Variants in ITGBL1 observed in about 807,000 individuals in gnomAD.
ITGBL1 encodes integrin subunit beta like 1.
A neutral mutation model predicts 68.5 loss-of-function variants in ITGBL1; 51 were observed. The ratio of observed to expected loss-of-function variants is 0.74; its 90% CI spans 0.59 to 0.94. ITGBL1 has a LOEUF of 0.94. ITGBL1 is among the 40% of genes least tolerant of loss of function. The pLI is 0.00. For missense variants in ITGBL1, 649 were observed against 647.4 expected (o/e 1.00, Z -0.03); for synonymous variants, 209 against 227.3 (o/e 0.92, Z 0.72).
intron 8 of ITGBL1, among the ~76,000 whole-genome samples, chr13:101,703,881 G>T (rs1298951494): frequency 1.3e-5 from 2 of 152,132 alleles, no homozygotes; most frequent in Non-Finnish European, 2.9e-5. Context: ...TTTGGAAAAG[G>T]ATTTGGCTGA....
At chr13:101,530,167 T>C (rs1285245112) in intron 2 of ITGBL1, among the ~76,000 whole-genome samples, 3 of 152,160 alleles carry the variant, frequency 2.0e-5, no homozygotes, top group East Asian at 1.9e-4. Context: ...AGTCTTACTT[T>C]AGTACGAAGA....
intron 7 of ITGBL1, among the ~76,000 whole-genome samples, chr13:101,633,640 C>T (rs1337738170): frequency 1.3e-5 from 2 of 152,128 alleles, no homozygotes; most frequent in Non-Finnish European, 2.9e-5. Context: ...AAGAATGGCA[C>T]GTCACAGATA....
At chr13:101,607,121 C>T (rs370437054) in intron 7 of ITGBL1, among the ~76,000 whole-genome samples, 2 of 151,938 alleles carry the variant, frequency 1.3e-5, no homozygotes, top group African/African-American at 2.4e-5. Flanking sequence ...CTGTCAACAG[C>T]ATTTATGTGC....
chr13:101,587,507 A>G (rs991635520), intron 6 of ITGBL1, among the ~76,000 whole-genome samples: 1 of 152,118 alleles, frequency 6.6e-6, no homozygotes, highest in Admixed American at 6.5e-5. Context: ...GTTACACCCA[A>G]TTTACTTTCT....
chr13:101,600,471 T>A (rs988703839), intron 7 of ITGBL1, among the ~76,000 whole-genome samples: 6 of 152,180 alleles, frequency 3.9e-5, no homozygotes, highest in Non-Finnish European at 8.8e-5. Context: ...CTTCCAACAC[T>A]ATGTTGAATA....
At chr13:101,593,250 A>T (rs9585733) in intron 6 of ITGBL1, among the ~76,000 whole-genome samples, 8,600 of 51,378 alleles carry the variant, frequency 0.17, 800 homozygotes, top group African/African-American at 0.46. Flanking sequence ...GAATTATAAT[A>T]AAAAAAGACA....
chr13:101,585,725 C>G (rs116232984), intron 6 of ITGBL1, among the ~76,000 whole-genome samples: 1 of 152,028 alleles, frequency 6.6e-6, no homozygotes, highest in African/African-American at 2.4e-5. Flanking sequence ...CCACCTCCCC[C>G]GGCGGCAATG....
intron 2 of ITGBL1, among the ~76,000 whole-genome samples, chr13:101,539,008 G>A (rs906406237): frequency 5.4e-5 from 8 of 149,488 alleles, no homozygotes; most frequent in African/African-American, 1.5e-4. Flanking sequence ...TCAGTGGTAC[G>A]GTTGCGGAGT....
chr13:101,491,852 C>T (rs948502292), intron 2 of ITGBL1, among the ~76,000 whole-genome samples: 2 of 152,160 alleles, frequency 1.3e-5, no homozygotes, highest in Non-Finnish European at 2.9e-5. Context: ...GTTCAACTCC[C>T]ACTTATGAGT....
intron 2 of ITGBL1, among the ~76,000 whole-genome samples, chr13:101,517,776 G>A (rs1387651168): frequency 6.6e-6 from 1 of 152,166 alleles, no homozygotes; most frequent in Non-Finnish European, 1.5e-5. Flanking sequence ...CCATGAGAAT[G>A]CAAGTGAATT....
At chr13:101,585,295 G>A (rs2050533215) in intron 6 of ITGBL1, among the ~76,000 whole-genome samples, 1 of 152,166 alleles carries the variant, frequency 6.6e-6, no homozygotes, top group African/African-American at 2.4e-5. Flanking sequence ...AGGGCAAAGG[G>A]TAAGCCAAAG....
At chr13:101,632,728 T>TA (rs1334771538) in intron 7 of ITGBL1, among the ~76,000 whole-genome samples, 1 of 152,238 alleles carries the variant, frequency 6.6e-6, no homozygotes, top group African/African-American at 2.4e-5. Context: ...GGGTGAAAGA[T>TA]ACACATTTTC....
chr13:101,539,203 T>TC (rs1362202787), intron 2 of ITGBL1, among the ~76,000 whole-genome samples: 1 of 71,918 alleles, frequency 1.4e-5, no homozygotes, highest in Admixed American at 1.6e-4. Context: ...CCCTCCCCCC[T>TC]CCCCCCACTC....
chr13:101,588,214 C>A (rs2050590832), intron 6 of ITGBL1, among the ~76,000 whole-genome samples: 1 of 151,932 alleles, frequency 6.6e-6, no homozygotes, highest in Non-Finnish European at 1.5e-5. Context: ...TGCTGCAAAT[C>A]TTCCTTTTCG....
At chr13:101,512,697 G>A (rs2049134634) in intron 2 of ITGBL1, among the ~76,000 whole-genome samples, 1 of 152,036 alleles carries the variant, frequency 6.6e-6, no homozygotes, top group Non-Finnish European at 1.5e-5. Context: ...TTCTTTGACT[G>A]GAAGATGTCT....
rs143113329 is a variant in ITGBL1, at chr13:101,631,551, A to C, written c.1015+33252A>C. Among the ~76,000 whole-genome samples, 245 of 152,288 alleles carry C rather than the reference A, an allele frequency of 1.6e-3. 1 individual carries two copies. Among genetic ancestry groups the C allele is most frequent in the African/African-American group, 5.7e-3 (237 of 41,572 alleles). On this transcript the variant is annotated intron_variant, in intron 7 of 10. Coordinates refer to ENST00000376180, the MANE Select transcript of ITGBL1 (RefSeq NM_004791.3). ...CACATTTACACTGTCCTACTACCATAGATGATGTTGAAATTTTGCAAGGGA... is the reference window on the plus strand; with the variant it reads ...CACATTTACACTGTCCTACTACCATCGATGATGTTGAAATTTTGCAAGGGA...
chr13:101,457,187 G>T (rs2048256141), intron 2 of ITGBL1, among the ~76,000 whole-genome samples: 1 of 152,100 alleles, frequency 6.6e-6, no homozygotes, highest in Non-Finnish European at 1.5e-5. Flanking sequence ...ATAACAAGTG[G>T]GCTAGTATGG....
intron 7 of ITGBL1, among the ~76,000 whole-genome samples, chr13:101,652,602 AT>A (rs1340259834): frequency 6.6e-6 from 1 of 152,120 alleles, no homozygotes; most frequent in Non-Finnish European, 1.5e-5. Context: ...GAGAATCCAA[AT>A]TTTTTGTCTG....
Position 101,558,083 on chromosome 13 carries a change from C to CAAA in ITGBL1, c.317-9585_317-9583dup, listed in dbSNP as rs568103738. On this transcript the variant is annotated intron_variant, in intron 2 of 10. Coordinates refer to ENST00000376180, the MANE Select transcript of ITGBL1 (RefSeq NM_004791.3). ...TGGGAGACAGAGCAAAACTCCGTCTCAAAAAAAAAAAAAAAAAAAAAAAAA... is the reference window on the plus strand; with the variant it reads ...TGGGAGACAGAGCAAAACTCCGTCTCAAAAAAAAAAAAAAAAAAAAAAAAAAAA... Among the ~76,000 whole-genome samples the CAAA allele has an allele frequency of 3.8e-4, 27 of 71,678 alleles. 1 individual carries two copies. The highest frequency in any genetic ancestry group is 5.5e-4 in the Non-Finnish European group (22 of 39,918). 47.0% of individuals were successfully genotyped at this position (71,678 alleles called of 152,430 possible).
Sources: gnomAD v4.1 joint callset for allele counts (sites outside exome capture counted in the v4.1 genomes callset) on GRCh38, gnomAD v4.1.1 for gene constraint, MANE v1.5 for transcripts, NCBI Gene and HGNC (gene_info 2026-07-23, HGNC 2026-07-21) for gene names.